Variants in TXNDC5 observed in about 807,000 individuals in gnomAD.
TXNDC5 encodes the protein thioredoxin domain-containing protein 5.
Under a neutral mutation model 52.6 loss-of-function variants are expected in TXNDC5, and 44 were observed. The observed-to-expected ratio is 0.84, with a 90% CI of 0.66 to 1.08. TXNDC5 has a LOEUF of 1.08. Ranked by LOEUF, TXNDC5 falls within the 50% of genes least tolerant of loss-of-function variation. The pLI, the probability that TXNDC5 is intolerant of heterozygous loss-of-function variation, is 0.00. For synonymous variants in TXNDC5, 241 were observed against 234.4 expected, an observed-to-expected ratio of 1.03 and a Z score of -0.26; for missense variants, 600 against 565.5, an observed-to-expected ratio of 1.06 and a Z score of -0.62.
At chr6:7,904,402 C>T (rs1219184345) in intron 2 of TXNDC5, among the ~76,000 whole-genome samples, 172 bp downstream of exon 2, 1 of 152,136 alleles carries the variant, frequency 6.6e-6, no homozygotes, top group Non-Finnish European at 1.5e-5. Flanking sequence ...AAAGGTTATC[C>T]AAGTATAAAA....
intron 5 of TXNDC5, 60 bp downstream of exon 5, chr6:7,891,561 T>G (rs1176108722): frequency 1.4e-6 from 2 of 1,393,572 alleles, no homozygotes; most frequent in East Asian, 4.7e-5. Context: ...AATGGGCCAC[T>G]CTGCTAATTA....
chr6:7,909,987 G>A (rs1055008030), intron 1 of TXNDC5: 9 of 986,166 alleles, frequency 9.1e-6, no homozygotes, highest in Middle Eastern at 5.2e-4. Flanking sequence ...GGCAGGGACC[G>A]CGGGGTGACA....
chr6:7,905,324 G>T (rs376638269), intron 1 of TXNDC5, among the ~76,000 whole-genome samples: 5 of 151,936 alleles, frequency 3.3e-5, no homozygotes, highest in Non-Finnish European at 7.4e-5. Flanking sequence ...ACTTTTATTC[G>T]TCAAGTCTCC....
intron 5 of TXNDC5, 72 bp from the exon 6 acceptor site, chr6:7,889,653 A>G (rs1760124171): frequency 8.8e-7 from 1 of 1,142,772 alleles, no homozygotes; most frequent in Non-Finnish European, 1.3e-6. Context: ...GCTACTGGAC[A>G]CTTTGTACGT....
chr6:7,903,846 A>G (rs897135684), intron 2 of TXNDC5, among the ~76,000 whole-genome samples: 13 of 152,138 alleles, frequency 8.5e-5, no homozygotes, highest in African/African-American at 3.1e-4. Context: ...GTGTCTTGCT[A>G]TAAGCTCCTG....
intron 3 of TXNDC5, among the ~76,000 whole-genome samples, chr6:7,898,245 G>A (rs1479367556): frequency 1.3e-5 from 2 of 152,038 alleles, no homozygotes; most frequent in Non-Finnish European, 2.9e-5. Flanking sequence ...TAGCAGAGAC[G>A]ACGTTTCACC....
rs1418712386 is a variant in TXNDC5, at chr6:7,888,863, G to A, written c.820-15C>T. ...TACTGATCCACCTGGCCAAGACACG[G>A]GCACGCGGCTGAGTGAGTCCACTGA... On this transcript the variant is annotated splice_polypyrimidine_tract_variant and intron_variant, in intron 6 of 9. Coordinates refer to ENST00000379757, the MANE Select transcript of TXNDC5 (RefSeq NM_030810.5). 2.5e-6 allele frequency: 4 copies of A among 1,594,892 alleles called. No individual in the cohort carries two copies. Among genetic ancestry groups the A allele is most frequent in the Non-Finnish European group, 3.4e-6 (4 of 1,169,994 alleles).
At chr6:7,886,677 A>G (rs1759995020) in intron 7 of TXNDC5, among the ~76,000 whole-genome samples, 1 of 152,208 alleles carries the variant, frequency 6.6e-6, no homozygotes, top group Non-Finnish European at 1.5e-5. Flanking sequence ...GCTACATGGT[A>G]GTCTGCTTTA....
intron 3 of TXNDC5, among the ~76,000 whole-genome samples, chr6:7,898,454 C>G (rs567136902): frequency 6.6e-6 from 1 of 152,064 alleles, no homozygotes; most frequent in Non-Finnish European, 1.5e-5. Flanking sequence ...GCGGAAGAGC[C>G]GCACAGACAC....
chr6:7,890,980 G>A (rs551588015), intron 5 of TXNDC5, among the ~76,000 whole-genome samples: 1 of 152,246 alleles, frequency 6.6e-6, no homozygotes, highest in African/African-American at 2.4e-5. Context: ...ATTACTTTTG[G>A]ATACAAATCA....
chr6:7,910,633 C>A lies in TXNDC5; in HGVS notation c.144G>T (p.Gly48=). ...CGTCCTCGCCGTCTGCCGCGGGGGG[C>A]CCGTCCGCCGCCGCCGCCGCCGCCT... ...AQEAAAAAAD[G]PPAADGEDGQ... Residue 48 remains glycine (G), a synonymous_variant, in exon 1 of 10, where the codon GGG becomes GGT. Transcript: ENST00000379757. 1 of 1,326,266 alleles carries A rather than the reference C, an allele frequency of 7.5e-7. No individual in the cohort carries two copies. Among genetic ancestry groups the A allele is most frequent in the Admixed American group, 2.7e-5 (1 of 36,616 alleles). 82.2% of individuals were successfully genotyped at this position (1,326,266 alleles called of 1,614,324 possible).
At chr6:7,894,723 T>A in intron 4 of TXNDC5, 1 of 985,430 alleles carries the variant, frequency 1.0e-6, no homozygotes, top group Non-Finnish European at 1.2e-6. Flanking sequence ...GAAAAACCGC[T>A]AGACCTGCCA....
Position 7,883,129 on chromosome 6 carries a change from C to G in TXNDC5, c.*15G>C. ...TGCGGGAGCTGGGCAGGAGAGGTGA[C>G]CTCCAACTGTGTTCCTAAAGTTCGT... On this transcript the variant is annotated 3_prime_UTR_variant, in exon 10 of 10. Coordinates refer to ENST00000379757, the MANE Select transcript of TXNDC5 (RefSeq NM_030810.5). 1.9e-6 allele frequency: 3 copies of G among 1,614,056 alleles called. No individual in the cohort carries two copies. The highest frequency in any genetic ancestry group is 2.5e-6 in the Non-Finnish European group (3 of 1,179,996).
At chr6:7,883,644 G>A (rs1581303775) in intron 9 of TXNDC5, among the ~76,000 whole-genome samples, 2 of 152,272 alleles carry the variant, frequency 1.3e-5, no homozygotes, top group East Asian at 3.9e-4. Flanking sequence ...CTGGTGGTCT[G>A]CAGACCAGAC....
intron 8 of TXNDC5, among the ~76,000 whole-genome samples, chr6:7,885,520 C>A (rs1011071313): frequency 6.6e-6 from 1 of 152,178 alleles, no homozygotes; most frequent in African/African-American, 2.4e-5. Context: ...CTAACAGACT[C>A]TACTGGATTT....
At chr6:7,896,734 C>G (rs1412498994) in intron 3 of TXNDC5, among the ~76,000 whole-genome samples, 2 of 152,200 alleles carry the variant, frequency 1.3e-5, no homozygotes, top group South Asian at 4.1e-4. Context: ...ATGAGATGTT[C>G]AAGGGCCTTT....
At chr6:7,891,526 T>C (rs1465243580) in intron 5 of TXNDC5, 95 bp downstream of exon 5, 1 of 923,458 alleles carries the variant, frequency 1.1e-6, no homozygotes, top group Non-Finnish European at 1.7e-6. Flanking sequence ...TAAATCAAGT[T>C]TGCGACTTTG....
intron 5 of TXNDC5, among the ~76,000 whole-genome samples, chr6:7,889,829 T>A (rs1214170828): frequency 6.6e-6 from 1 of 152,228 alleles, no homozygotes; most frequent in East Asian, 1.9e-4. Flanking sequence ...CAGTTAAACA[T>A]GCCGGTTTTT....
At chr6:7,896,708 C>A (rs1057422557) in intron 3 of TXNDC5, among the ~76,000 whole-genome samples, 2 of 152,164 alleles carry the variant, frequency 1.3e-5, no homozygotes, top group Non-Finnish European at 2.9e-5. Flanking sequence ...AAATAAAATA[C>A]CGTGTGCCAC....
Sources: allele counts gnomAD v4.1 joint callset (sites outside exome capture counted in the v4.1 genomes callset), GRCh38; gene constraint gnomAD v4.1.1; transcripts MANE v1.5; gene names NCBI Gene and HGNC (gene_info 2026-07-23, HGNC 2026-07-21).